Variants in PLXNA4 observed in about 807,000 individuals in gnomAD.
The protein encoded by PLXNA4 is plexin A4.
PLXNA4 carries 44 observed loss-of-function variants against 191.8 expected under a neutral mutation model. The observed-to-expected ratio is 0.23, with a 90% CI of 0.18 to 0.29. PLXNA4 has a LOEUF of 0.29. PLXNA4 is among the 10% of genes least tolerant of loss of function. The pLI is 1.00. For synonymous variants in PLXNA4, 1,082 were observed against 1,009.5 expected, an observed-to-expected ratio of 1.07 and a Z score of -1.36; for missense variants, 1,800 against 2,488.8, an observed-to-expected ratio of 0.72 and a Z score of 5.89.
rs755988099 is a variant in PLXNA4 at position 132,174,803 on chromosome 7, T to G, written c.3992A>C (p.Asp1331Ala). 1.2e-6 allele frequency: 2 copies of G among 1,614,050 alleles called. No homozygotes were observed. The highest frequency in any genetic ancestry group is 1.7e-6 in the Non-Finnish European group (2 of 1,179,962). ...CTCAAGGTCCCGGAGGACAGGGTGG[T>G]CTTCAATTCCTGGGAACAGCACCCG... ...TMRVLFPGIE[D>A]HPVLRDLEVP... Residue 1331 changes from aspartate to alanine, a missense_variant, in exon 21 of 32, where the codon GAC becomes GCC. Transcript: ENST00000321063.
At chr7:132,188,460 AC>A in intron 14 of PLXNA4, among the ~76,000 whole-genome samples, 1 of 152,136 alleles carries the variant, frequency 6.6e-6, no homozygotes, top group South Asian at 2.1e-4. Context: ...CAAAAGTCGA[AC>A]CCTCTCAGTT....
rs191056412 is a variant in PLXNA4 at position 132,542,714 on chromosome 7, A to G, written c.-87+33708T>C. Among the ~76,000 whole-genome samples, 18 of 152,164 alleles carry G rather than the reference A, an allele frequency of 1.2e-4. No individual in the cohort carries two copies. In the East Asian group the frequency reaches 2.3e-3, roughly 20 times the overall value. On this transcript the variant is annotated intron_variant, in intron 1 of 31. Transcript: ENST00000321063. ...ATTATACTTCATTTTGGATGATTTC[A>G]TTTGCCCACTGCCCTACTTCATTAA...
intron 4 of PLXNA4, among the ~76,000 whole-genome samples, chr7:132,262,572 C>T (rs577708802): frequency 1.3e-5 from 2 of 152,150 alleles, no homozygotes; most frequent in Admixed American, 1.3e-4. Flanking sequence ...GCCTGCCTCT[C>T]CCAGCCCACT....
chr7:132,280,626 A>G (rs1459991470), intron 4 of PLXNA4, among the ~76,000 whole-genome samples: 2 of 152,208 alleles, frequency 1.3e-5, no homozygotes, highest in Admixed American at 1.3e-4. Flanking sequence ...AGAACAGAAA[A>G]GACTAGAAGG....
intron 4 of PLXNA4, among the ~76,000 whole-genome samples, chr7:132,260,149 C>T (rs557804684): frequency 6.6e-6 from 1 of 152,152 alleles, no homozygotes; most frequent in African/African-American, 2.4e-5. Context: ...CTAGCAATCC[C>T]ATTACTAGGT....
intron 3 of PLXNA4, among the ~76,000 whole-genome samples, chr7:132,298,627 G>C (rs768634873): frequency 6.6e-6 from 1 of 152,252 alleles, no homozygotes; most frequent in Non-Finnish European, 1.5e-5. Flanking sequence ...GCATTTGTTA[G>C]CAGAAAAACA....
chr7:132,321,131 T>G (rs1802146740), intron 3 of PLXNA4, among the ~76,000 whole-genome samples: 1 of 152,188 alleles, frequency 6.6e-6, no homozygotes, highest in South Asian at 2.1e-4. Context: ...TCTCCTCACC[T>G]GGCTCTCCGT....
intron 1 of PLXNA4, among the ~76,000 whole-genome samples, chr7:132,563,452 TC>T: frequency 1.0e-5 from 1 of 97,320 alleles, no homozygotes; most frequent in Non-Finnish European, 2.0e-5. Context: ...TTCCTCCTCC[TC>T]CTCCTTCTCC....
At chr7:132,397,686 C>T (rs759054442) in intron 3 of PLXNA4, among the ~76,000 whole-genome samples, 23 of 152,152 alleles carry the variant, frequency 1.5e-4, no homozygotes, top group Non-Finnish European at 3.1e-4. Context: ...AAATATGATG[C>T]TCTCCTTCAA....
chr7:132,299,452 C>T (rs1801226253), intron 3 of PLXNA4, among the ~76,000 whole-genome samples: 1 of 152,108 alleles, frequency 6.6e-6, no homozygotes, highest in Non-Finnish European at 1.5e-5. Context: ...AAGGCTCCCA[C>T]CTTTCATTTC....
chr7:132,311,724 C>G (rs574616496), intron 3 of PLXNA4, among the ~76,000 whole-genome samples: 2 of 152,286 alleles, frequency 1.3e-5, no homozygotes, highest in African/African-American at 4.8e-5. Context: ...TTAAAAACAG[C>G]AGCTACTCTG....
chr7:132,551,463 G>C (rs949144489), intron 1 of PLXNA4, among the ~76,000 whole-genome samples: 7 of 152,150 alleles, frequency 4.6e-5, no homozygotes, highest in Non-Finnish European at 1.0e-4. Flanking sequence ...TAATAGAAAA[G>C]CAATGCTTTT....
chr7:132,199,028 T>G (rs1321553222), intron 12 of PLXNA4, among the ~76,000 whole-genome samples: 1 of 152,212 alleles, frequency 6.6e-6, no homozygotes, highest in East Asian at 1.9e-4. Flanking sequence ...CCCCTACACC[T>G]ATGTGACCCT....
intron 3 of PLXNA4, among the ~76,000 whole-genome samples, chr7:132,411,837 G>A (rs894730361): frequency 3.3e-5 from 5 of 152,156 alleles, no homozygotes; most frequent in Admixed American, 6.5e-5. Flanking sequence ...CGATATTTAT[G>A]CTTGGAATGT....
intron 3 of PLXNA4, among the ~76,000 whole-genome samples, chr7:132,475,613 C>T (rs1435135325): frequency 6.6e-6 from 1 of 152,098 alleles, no homozygotes; most frequent in East Asian, 1.9e-4. Flanking sequence ...GACCCAACTC[C>T]CTCAGAAACA....
intron 2 of PLXNA4, among the ~76,000 whole-genome samples, chr7:132,632,867 C>A (rs1384048088): frequency 6.6e-5 from 10 of 152,098 alleles, no homozygotes; most frequent in Non-Finnish European, 1.5e-4. Flanking sequence ...TATCTGGGAC[C>A]TACTGTGATC....
chr7:132,516,338 C>T (rs1331437648), intron 1 of PLXNA4, among the ~76,000 whole-genome samples: 1 of 151,890 alleles, frequency 6.6e-6, no homozygotes, highest in Admixed American at 6.6e-5. Context: ...CTACGTCTTT[C>T]GTATATGATT....
At chr7:132,386,791 G>A (rs1180117417) in intron 3 of PLXNA4, among the ~76,000 whole-genome samples, 1 of 152,232 alleles carries the variant, frequency 6.6e-6, no homozygotes. Context: ...CCCCAGGGTT[G>A]TCCCCAAAGA....
chr7:132,269,072 C>T (rs1001862251), intron 4 of PLXNA4, among the ~76,000 whole-genome samples: 4 of 152,154 alleles, frequency 2.6e-5, no homozygotes, highest in South Asian at 2.1e-4. Flanking sequence ...TGGACACATG[C>T]GTCCTCCCCC....
Sources: allele counts gnomAD v4.1 joint callset (sites outside exome capture counted in the v4.1 genomes callset), GRCh38; gene constraint gnomAD v4.1.1; transcripts MANE v1.5; gene names NCBI Gene and HGNC (gene_info 2026-07-23, HGNC 2026-07-21).